Variants in TRANK1 observed in about 807,000 individuals in gnomAD.
TRANK1 encodes TPR and ankyrin repeat-containing protein 1.
TRANK1 carries 198 observed loss-of-function variants against 266.0 expected under a neutral mutation model. The observed-to-expected ratio is 0.74, with a 90% CI of 0.66 to 0.84. The LOEUF (loss-of-function observed/expected upper bound fraction) is 0.84, where lower values mean the gene tolerates loss of function less well. TRANK1 is among the 40% of genes least tolerant of loss of function. TRANK1 has a pLI of 0.00. For synonymous variants in TRANK1, 1,396 were observed against 1,384.1 expected, an observed-to-expected ratio of 1.01 and a Z score of -0.19; for missense variants, 3,326 against 3,634.6, an observed-to-expected ratio of 0.92 and a Z score of 2.18.
chr3:36,851,127 C>A (rs781544506), intron 15 of TRANK1: 8 of 985,560 alleles, frequency 8.1e-6, no homozygotes, highest in Non-Finnish European at 9.6e-6. Flanking sequence ...AGCAGTGGAC[C>A]AATACAGAGG....
chr3:36,870,962 T>TAAAAAAAAAAAAAAAAAAAAAAAACA (rs2079299255), intron 9 of TRANK1, among the ~76,000 whole-genome samples: 1 of 65,104 alleles, frequency 1.5e-5, no homozygotes, highest in Non-Finnish European at 2.9e-5. Context: ...ACAAGGAAAC[T>TAAAAAAAAAAAAAAAAAAAAAAAACA]AAAAAAAAAA....
At chr3:36,872,792 A>G (rs948966405) in intron 9 of TRANK1, among the ~76,000 whole-genome samples, 1 of 152,180 alleles carries the variant, frequency 6.6e-6, no homozygotes, top group Non-Finnish European at 1.5e-5. Context: ...GAACAAAATA[A>G]TAGAGGATAA....
chr3:36,833,043 T>G lies in TRANK1; in HGVS notation c.6540A>C (p.Thr2180=). The G allele has an allele frequency of 6.2e-7, 1 of 1,612,992 alleles. No individual in the cohort carries two copies. The highest frequency in any genetic ancestry group is 8.5e-7 in the Non-Finnish European group (1 of 1,179,390). ...KHLLGRLCQI[T]RSLLGKTYRG... The stretch of plus-strand genomic sequence containing the variant: ...GGTAGGTCTTCCCAAGCAGGCTCCG[T>G]GTGATCTGACACAGCCTGCCCAAAA... The change falls in exon 22 of 24, where the codon ACA becomes ACC. Residue 2180 remains threonine (T), a synonymous_variant. Transcript: ENST00000645898.
At chr3:36,835,522 G>A (rs1412777702) in intron 20 of TRANK1, among the ~76,000 whole-genome samples, 1 of 152,122 alleles carries the variant, frequency 6.6e-6, no homozygotes, top group African/African-American at 2.4e-5. Context: ...TCACACTCAA[G>A]TGGAAGGAGT....
In TRANK1 at chr3:36,832,024, T is replaced by C. The variant is rs372297882; in HGVS notation, c.7559A>G (p.Gln2520Arg). Residue 2520 changes from glutamine to arginine, a missense_variant, in exon 22 of 24, where the codon CAG (glutamine) becomes CGG (arginine). Coordinates refer to ENST00000645898, the MANE Select transcript of TRANK1 (RefSeq NM_001329998.2). Reference sequence around the variant, plus strand: ...GTAGGAGAGATGGAACCGGAAATCCTGAATGGCTCTTGTCACGTCCTTGGG... The same window carrying C: ...GTAGGAGAGATGGAACCGGAAATCCCGAATGGCTCTTGTCACGTCCTTGGG... ...YKPKDVTRAIQDFRFHLSYLA... is the reference protein window; with the variant it reads ...YKPKDVTRAIRDFRFHLSYLA... 5.6e-6 allele frequency: 9 copies of C among 1,613,948 alleles called. No individual in the cohort carries two copies. In the African/African-American group the frequency reaches 9.3e-5, roughly 17 times the overall value.
chr3:36,832,455 T>A lies in TRANK1; in HGVS notation c.7128A>T (p.Arg2376Ser). The A allele has an allele frequency of 1.2e-6, 2 of 1,613,944 alleles. No individual in the cohort carries two copies. Among genetic ancestry groups the A allele is most frequent in the Non-Finnish European group, 1.7e-6 (2 of 1,179,878 alleles). ...ESEKDERGRG[R>S]GSRIKGIEGK... ...CTTCTATTCCTTTTATCCTGCTGCC[T>A]CTCCCCCTGCCCCTTTCATCCTTTT... is the stretch of plus-strand genomic sequence containing the variant. The change falls in exon 22 of 24, where the codon AGA becomes AGT. Residue 2376 changes from arginine (R) to serine (S), a missense_variant. Physicochemically the swap from Arg to Ser is moderately radical, Grantham distance 110. Coordinates refer to ENST00000645898, the MANE Select transcript of TRANK1 (RefSeq NM_001329998.2).
At chr3:36,872,268 G>A (rs2125571611) in intron 9 of TRANK1, among the ~76,000 whole-genome samples, 1 of 152,282 alleles carries the variant, frequency 6.6e-6, no homozygotes, top group Admixed American at 6.5e-5. Flanking sequence ...GAGTGTGGTG[G>A]TACATGCCTG....
chr3:36,838,275 A>C, intron 20 of TRANK1, 97 bp downstream of exon 20: 1 of 1,513,738 alleles, frequency 6.6e-7, no homozygotes, highest in Non-Finnish European at 8.9e-7. Context: ...GGAAGACTGC[A>C]GCCTCTTCCT....
chr3:36,927,082 A>G (rs2125657437), intron 1 of TRANK1, among the ~76,000 whole-genome samples: 1 of 152,324 alleles, frequency 6.6e-6, no homozygotes, highest in Non-Finnish European at 1.5e-5. Flanking sequence ...CTTTGGAGCC[A>G]GCAGAACAAA....
At chr3:36,900,187 T>A (rs780217534) in intron 3 of TRANK1, among the ~76,000 whole-genome samples, 4 of 152,204 alleles carry the variant, frequency 2.6e-5, no homozygotes, top group Non-Finnish European at 5.9e-5. Flanking sequence ...ATTTATTAAT[T>A]CATACTTCAA....
intron 1 of TRANK1, among the ~76,000 whole-genome samples, chr3:36,910,929 G>A (rs754948790): frequency 1.3e-5 from 2 of 151,726 alleles, no homozygotes; most frequent in Non-Finnish European, 2.9e-5. Flanking sequence ...AATTAGCCAG[G>A]CATAGTGGTG....
At chr3:36,886,052 G>C (rs780230110) in intron 8 of TRANK1, among the ~76,000 whole-genome samples, 17 of 151,864 alleles carry the variant, frequency 1.1e-4, no homozygotes, top group African/African-American at 4.1e-4. Context: ...AGCCTCATTC[G>C]TTGGAGGTCA....
chr3:36,927,477 G>A (rs896089152), intron 1 of TRANK1, among the ~76,000 whole-genome samples: 1 of 152,156 alleles, frequency 6.6e-6, no homozygotes, highest in Non-Finnish European at 1.5e-5. Flanking sequence ...CTGCAAGTTA[G>A]CTCACTGCAA....
At position 36,923,404 on chromosome 3, in the gene TRANK1, C is replaced by T. The variant is rs540353412; in HGVS notation, c.24-14950G>A. On this transcript the variant is annotated intron_variant, in intron 1 of 23. Transcript: ENST00000645898. ...CCGAGTGGCTGGGATTACAGGCGTG[C>T]GCCACCACGCCCAGCTAATTGTTGT... Among the ~76,000 whole-genome samples the T allele has an allele frequency of 3.6e-4, 54 of 152,022 alleles. No individual in the cohort carries two copies. In the South Asian group the frequency reaches 6.5e-3, roughly 18 times the overall value.
chr3:36,854,484 C>G (rs1418725872), intron 13 of TRANK1, among the ~76,000 whole-genome samples: 1 of 152,166 alleles, frequency 6.6e-6, no homozygotes, highest in African/African-American at 2.4e-5. Context: ...AAGCAATACT[C>G]CATATTGTTC....
rs1325735615 is a variant in TRANK1 at position 36,846,317 on chromosome 3, G to A, written c.5122C>T (p.Arg1708Trp). The change falls in exon 17 of 24, where the codon CGG becomes TGG. Residue 1708 changes from arginine to tryptophan, a missense_variant. Coordinates refer to ENST00000645898, the MANE Select transcript of TRANK1 (RefSeq NM_001329998.2). ...LWIFDENREKRAPAFKYFIRR... is the reference protein window; with the variant it reads ...LWIFDENREKWAPAFKYFIRR... Reference sequence around the variant, plus strand: ...ATGAAATATTTGAATGCGGGAGCCCGTTTCTCTCGGTTTTCATCAAAGATC... The same window carrying A: ...ATGAAATATTTGAATGCGGGAGCCCATTTCTCTCGGTTTTCATCAAAGATC... 6.2e-6 allele frequency: 10 copies of A among 1,613,564 alleles called. No homozygotes were observed. The highest frequency in any genetic ancestry group is 2.2e-5 in the East Asian group (1 of 44,876).
chr3:36,938,122 A>G (rs1041370373), intron 1 of TRANK1, among the ~76,000 whole-genome samples: 2 of 152,122 alleles, frequency 1.3e-5, no homozygotes, highest in Non-Finnish European at 2.9e-5. Context: ...AGACAAAACA[A>G]TCTCCCATGG....
chr3:36,835,948 G>C (rs2078765582), intron 20 of TRANK1, among the ~76,000 whole-genome samples: 1 of 152,180 alleles, frequency 6.6e-6, no homozygotes. Flanking sequence ...ACAACAGAAA[G>C]CTAGGCAAAG....
chr3:36,892,014 T>C (rs1053522265), intron 7 of TRANK1, among the ~76,000 whole-genome samples, 188 bp downstream of exon 7: 1 of 152,216 alleles, frequency 6.6e-6, no homozygotes, highest in Non-Finnish European at 1.5e-5. Context: ...CTGCAGCTAC[T>C]AGGTGCCAGG....
Sources: allele counts gnomAD v4.1 joint callset (sites outside exome capture counted in the v4.1 genomes callset), GRCh38; gene constraint gnomAD v4.1.1; transcripts MANE v1.5; gene names NCBI Gene and HGNC (gene_info 2026-07-23, HGNC 2026-07-21).